The following AIG1 variants were observed in gnomAD, a reference collection of about 807,000 sequenced individuals.
AIG1 encodes androgen-induced gene 1 protein.
Under a neutral mutation model 31.4 loss-of-function variants are expected in AIG1, and 23 were observed. That is an observed-to-expected ratio of 0.73 (90% CI 0.53 to 1.04). The LOEUF (loss-of-function observed/expected upper bound fraction) is 1.04, where lower values mean the gene tolerates loss of function less well. Ranked by LOEUF, AIG1 falls within the 50% of genes least tolerant of loss-of-function variation. The probability of loss-of-function intolerance (pLI) is 0.00; values close to 1 mark genes in which losing one functional copy is unlikely to be tolerated. For missense variants in AIG1, 274 were observed against 295.0 expected (o/e 0.93, Z 0.52); for synonymous variants, 100 against 110.5 (o/e 0.90, Z 0.60).
In AIG1 at chr6:143,334,208, A is replaced by G. The variant is rs575937338; in HGVS notation, c.679+763A>G. ...CAGACATGTAGTGATTGAGTCCTGC[A>G]TGAAAATACATCCAAAGGCAAGATG... is the stretch of plus-strand genomic sequence containing the variant. On this transcript the variant is annotated intron_variant, in intron 5 of 5. Coordinates refer to ENST00000357847, the MANE Select transcript of AIG1 (RefSeq NM_016108.4). The surrounding 1 kb of genome is among the most constrained non-coding windows in gnomAD (Gnocchi z 5.1). 408 of 1,028,730 alleles carry G rather than the reference A, an allele frequency of 4.0e-4. No individual in the cohort carries two copies. Among genetic ancestry groups the G allele is most frequent in the Non-Finnish European group, 5.4e-4 (394 of 725,082 alleles). The allele number at this position is 1,028,730 out of a possible 1,614,324, so 63.7% of individuals were successfully genotyped here.
chr6:143,104,467 G>A (rs941219327), intron 1 of AIG1, among the ~76,000 whole-genome samples: 6 of 152,186 alleles, frequency 3.9e-5, no homozygotes, highest in Admixed American at 2.6e-4. Flanking sequence ...GTGGTTGTTT[G>A]TCCCAAGTGG....
chr6:143,195,632 C>T (rs1790161288), intron 3 of AIG1, among the ~76,000 whole-genome samples: 1 of 150,820 alleles, frequency 6.6e-6, no homozygotes, highest in Admixed American at 6.7e-5. Context: ...CCTGAGGGAG[C>T]ACGGGGGAGG....
intron 3 of AIG1, among the ~76,000 whole-genome samples, chr6:143,171,488 A>AAT (rs1404134551): frequency 1.7e-5 from 2 of 120,798 alleles, no homozygotes; most frequent in African/African-American, 6.8e-5. Context: ...ATATATATTA[A>AAT]ATATATAATA....
At chr6:143,089,683 G>A (rs545891618) in intron 1 of AIG1, among the ~76,000 whole-genome samples, 9 of 152,154 alleles carry the variant, frequency 5.9e-5, no homozygotes, top group Non-Finnish European at 8.8e-5. Flanking sequence ...GAAATGTAAC[G>A]GGGAGCCTGA....
intron 4 of AIG1, among the ~76,000 whole-genome samples, chr6:143,304,896 A>G (rs897924370): frequency 1.3e-5 from 2 of 152,096 alleles, no homozygotes; most frequent in African/African-American, 4.8e-5. Context: ...TATTGCCACA[A>G]TTTCAGAGCC....
At chr6:143,069,441 T>C (rs891533946) in intron 1 of AIG1, among the ~76,000 whole-genome samples, 1 of 152,214 alleles carries the variant, frequency 6.6e-6, no homozygotes, top group Non-Finnish European at 1.5e-5. Context: ...CCACCAGCAA[T>C]GTGTGAGAGC....
At chr6:143,202,260 CT>C (rs1790753064) in intron 3 of AIG1, among the ~76,000 whole-genome samples, 1 of 152,104 alleles carries the variant, frequency 6.6e-6, no homozygotes, top group Non-Finnish European at 1.5e-5. Context: ...GTGGGCCTGC[CT>C]TTTAAAATTC....
At chr6:143,137,733 G>GT (rs1004473832) in intron 2 of AIG1, among the ~76,000 whole-genome samples, 3 of 152,108 alleles carry the variant, frequency 2.0e-5, no homozygotes, top group African/African-American at 4.8e-5. Context: ...CATAAACCAT[G>GT]TTTTTTTAAA....
intron 3 of AIG1, among the ~76,000 whole-genome samples, chr6:143,198,410 C>T (rs1790428695): frequency 6.6e-6 from 1 of 152,218 alleles, no homozygotes; most frequent in Admixed American, 6.5e-5. Context: ...TAATTGGAAA[C>T]ATATGCAGAC....
chr6:143,242,855 C>T (rs1453864431), intron 3 of AIG1, among the ~76,000 whole-genome samples: 1 of 152,208 alleles, frequency 6.6e-6, no homozygotes, highest in East Asian at 1.9e-4. Flanking sequence ...CATGCGACAT[C>T]ATGGCTGCGG....
chr6:143,122,693 T>A (rs569298031), intron 1 of AIG1, among the ~76,000 whole-genome samples: 1 of 152,312 alleles, frequency 6.6e-6, no homozygotes, highest in South Asian at 2.1e-4. Flanking sequence ...AGTGTTTTTT[T>A]ATCTCCTCAA....
chr6:143,109,692 G>A (rs905657436), intron 1 of AIG1, among the ~76,000 whole-genome samples: 1 of 152,006 alleles, frequency 6.6e-6, no homozygotes, highest in African/African-American at 2.4e-5. Flanking sequence ...TTAATGACGT[G>A]TGTGTTAAAG....
At chr6:143,131,602 G>A (rs1308393903) in intron 1 of AIG1, among the ~76,000 whole-genome samples, 1 of 152,168 alleles carries the variant, frequency 6.6e-6, no homozygotes, top group African/African-American at 2.4e-5. Flanking sequence ...TACAAGGACT[G>A]GAGAACAGAC....
At chr6:143,267,070 A>G (rs190934031) in intron 3 of AIG1, among the ~76,000 whole-genome samples, 3 of 152,238 alleles carry the variant, frequency 2.0e-5, no homozygotes, top group Middle Eastern at 3.4e-3. Context: ...CCCTTTCCTA[A>G]TGCTCATCTC....
chr6:143,167,315 C>A (rs1191615091), intron 3 of AIG1, among the ~76,000 whole-genome samples: 1 of 152,140 alleles, frequency 6.6e-6, no homozygotes, highest in Non-Finnish European at 1.5e-5. Flanking sequence ...AGAGTAATAT[C>A]ACCTAGATAA....
At chr6:143,142,928 G>A (rs896340883) in intron 2 of AIG1, among the ~76,000 whole-genome samples, 4 of 152,120 alleles carry the variant, frequency 2.6e-5, no homozygotes, top group Non-Finnish European at 4.4e-5. Flanking sequence ...AAAAGTCTTC[G>A]TTTGTTGACA....
In AIG1 at chr6:143,299,514, A is replaced by G. The variant is rs1454374812; in HGVS notation, c.515+15289A>G. On this transcript the variant is annotated intron_variant, in intron 4 of 5. Coordinates refer to ENST00000357847, the MANE Select transcript of AIG1 (RefSeq NM_016108.4). The surrounding 1 kb of genome is among the most constrained non-coding windows in gnomAD (Gnocchi z 4.1). The stretch of plus-strand genomic sequence containing the variant: ...TCAAACAGAGCCTGTTACAGGTGTC[A>G]TCAATTGATGGACATTTGGTTTGTT... The G allele has an allele frequency of 3.3e-5, 5 of 152,206 alleles. No homozygotes were observed. Among genetic ancestry groups the G allele is most frequent in the African/African-American group, 1.2e-4 (5 of 41,456 alleles). The allele number at this position is 152,206 out of a possible 1,614,324, so 9.4% of individuals were successfully genotyped here. A position where few individuals can be genotyped will look rare whatever the true frequency, so the allele number is the denominator to read the frequency against.
At chr6:143,164,903 C>T in intron 2 of AIG1, 179 bp from the exon 3 acceptor site, 1 of 510,476 alleles carries the variant, frequency 2.0e-6, no homozygotes, top group East Asian at 3.3e-5. Context: ...AGGCACCTTA[C>T]CTTTTACTGC....
intron 3 of AIG1, among the ~76,000 whole-genome samples, chr6:143,246,938 T>C (rs1304427829): frequency 6.6e-6 from 1 of 152,068 alleles, no homozygotes; most frequent in African/African-American, 2.4e-5. Context: ...ATGGCTATGG[T>C]TTATGACAGG....
Sources: allele counts gnomAD v4.1 joint callset (sites outside exome capture counted in the v4.1 genomes callset), GRCh38; gene constraint gnomAD v4.1.1; non-coding constraint Gnocchi (gnomAD v3.1); transcripts MANE v1.5; gene names NCBI Gene and HGNC (gene_info 2026-07-23, HGNC 2026-07-21).